The following LYRM4 variants were observed in gnomAD, a reference collection of about 807,000 sequenced individuals.
LYRM4 encodes LYR motif-containing protein 4.
Under a neutral mutation model 11.7 loss-of-function variants are expected in LYRM4, and 9 were observed. That is an observed-to-expected ratio of 0.77 (90% CI 0.46 to 1.34). LYRM4 has a LOEUF of 1.34. LYRM4 is among the 40% of genes most tolerant of loss of function. The pLI is 0.00. For missense variants in LYRM4, 133 were observed against 112.5 expected (o/e 1.18, Z -0.82); for synonymous variants, 42 against 40.4 (o/e 1.04, Z -0.15).
At chr6:5,259,786 CAGGTAGTT>C (rs1764888659) in intron 1 of LYRM4, among the ~76,000 whole-genome samples, 1 of 151,718 alleles carries the variant, frequency 6.6e-6, no homozygotes, top group Non-Finnish European at 1.5e-5. Context: ...CAGAGAGAGA[CAGGTAGTT>C]AGTAAAAACA....
Position 5,109,356 on chromosome 6 carries a change from C to T in LYRM4, c.*67G>A. 3 of 1,606,144 alleles carry T rather than the reference C, an allele frequency of 1.9e-6. No individual in the cohort carries two copies. The highest frequency in any genetic ancestry group is 2.6e-6 in the Non-Finnish European group (3 of 1,173,984). ...ATTGTAAGCTGGTTTTGGGAGCCCCCATCTCAAACAGAGAGTGGATGCTGA... is the reference window on the plus strand; with the variant it reads ...ATTGTAAGCTGGTTTTGGGAGCCCCTATCTCAAACAGAGAGTGGATGCTGA... On this transcript the variant is annotated 3_prime_UTR_variant, in exon 3 of 3. Coordinates refer to ENST00000330636, the MANE Select transcript of LYRM4 (RefSeq NM_020408.6).
At chr6:5,068,285 T>C in the LYRM4 span, among the ~76,000 whole-genome samples, 1 of 152,082 alleles carries the variant, frequency 6.6e-6, no homozygotes, top group Non-Finnish European at 1.5e-5. This position sits in a 1 kb window ranked among gnomAD's most constrained non-coding sequence, Gnocchi z 4.0. Context: ...AGAGCAAAGG[T>C]AAACATGGTG....
downstream of LYRM4, among the ~76,000 whole-genome samples, chr6:5,099,019 A>T (rs1581265535): frequency 6.6e-6 from 1 of 152,004 alleles, no homozygotes; most frequent in Non-Finnish European, 1.5e-5. This position sits in a 1 kb window ranked among gnomAD's most constrained non-coding sequence, Gnocchi z 4.3. Flanking sequence ...TTGGTGGGTG[A>T]CAGCCATTGT....
chr6:5,214,840 T>C (rs1762181225), intron 2 of LYRM4, among the ~76,000 whole-genome samples: 1 of 152,210 alleles, frequency 6.6e-6, no homozygotes, highest in Non-Finnish European at 1.5e-5. Flanking sequence ...ACTGGTTCTC[T>C]GAAGGGATGA....
the LYRM4 span, among the ~76,000 whole-genome samples, chr6:5,035,904 T>TTA: frequency 2.0e-5 from 3 of 148,802 alleles, no homozygotes; most frequent in African/African-American, 7.5e-5. Context: ...TATTTCTAAA[T>TTA]TAACCTACAG....
intron 2 of LYRM4, among the ~76,000 whole-genome samples, chr6:5,121,084 A>G (rs1226103499): frequency 6.6e-6 from 1 of 152,078 alleles, no homozygotes; most frequent in African/African-American, 2.4e-5. Context: ...TTATTTTTTG[A>G]GTATTACCTG....
At chr6:5,053,597 C>T in the LYRM4 span, among the ~76,000 whole-genome samples, 1 of 150,468 alleles carries the variant, frequency 6.6e-6, no homozygotes, top group African/African-American at 2.5e-5. Context: ...CATTGCACTC[C>T]AGCCTGGGTG....
chr6:5,051,875 G>A, the LYRM4 span, among the ~76,000 whole-genome samples: 1 of 152,204 alleles, frequency 6.6e-6, no homozygotes, highest in African/African-American at 2.4e-5. Flanking sequence ...GGTGAGAGAG[G>A]AAGCAAGAGA....
intron 2 of LYRM4, chr6:5,138,755 G>GA (rs1300156122): frequency 2.0e-6 from 3 of 1,526,634 alleles, no homozygotes; most frequent in South Asian, 1.2e-5. Flanking sequence ...GGTAAAAAGA[G>GA]AAAAAAATAA....
chr6:5,144,214 G>A (rs1326669740), intron 2 of LYRM4: 28 of 1,536,834 alleles, frequency 1.8e-5, no homozygotes, highest in Non-Finnish European at 2.3e-5. Flanking sequence ...CCCAGGCTCC[G>A]GCTGCTGTTC....
At chr6:5,238,320 G>A (rs560231182) in intron 1 of LYRM4, among the ~76,000 whole-genome samples, 9 of 152,160 alleles carry the variant, frequency 5.9e-5, no homozygotes, top group Non-Finnish European at 1.2e-4. Flanking sequence ...TGATGGTAAG[G>A]TTCACAGGGC....
At chr6:5,042,513 A>T in the LYRM4 span, 15 of 152,768 alleles carry the variant, frequency 9.8e-5, no homozygotes, top group Admixed American at 3.3e-4. Context: ...TAGGCTACCC[A>T]TGGGGACCTC....
At chr6:5,145,475 C>T (rs931921323) in intron 2 of LYRM4, among the ~76,000 whole-genome samples, 2 of 152,118 alleles carry the variant, frequency 1.3e-5, no homozygotes, top group South Asian at 2.1e-4. Context: ...TTGGTGACTC[C>T]GGAGTCAACG....
At chr6:5,121,142 C>T (rs1171558847) in intron 2 of LYRM4, among the ~76,000 whole-genome samples, 2 of 152,018 alleles carry the variant, frequency 1.3e-5, no homozygotes, top group South Asian at 2.1e-4. Flanking sequence ...CATACTTTTC[C>T]AAAAAACAAG....
the LYRM4 span, among the ~76,000 whole-genome samples, chr6:5,064,748 G>C: frequency 6.6e-6 from 1 of 152,180 alleles, no homozygotes; most frequent in East Asian, 1.9e-4. Context: ...ATATTTATGG[G>C]GTACAGTGTG....
chr6:5,160,788 G>A (rs939750405), intron 2 of LYRM4, among the ~76,000 whole-genome samples: 13 of 152,130 alleles, frequency 8.5e-5, no homozygotes, highest in Non-Finnish European at 1.9e-4. Flanking sequence ...CTCAGTGCAC[G>A]GTTCTGCAGG....
intron 2 of LYRM4, among the ~76,000 whole-genome samples, chr6:5,187,607 G>A (rs979348956): frequency 3.3e-5 from 5 of 152,092 alleles, no homozygotes; most frequent in African/African-American, 9.7e-5. Context: ...CCTGTCGGGG[G>A]GTTGGGGGCT....
chr6:5,052,820 T>G, the LYRM4 span, among the ~76,000 whole-genome samples: 1 of 152,242 alleles, frequency 6.6e-6, no homozygotes, highest in African/African-American at 2.4e-5. Context: ...GAGCCCCTTT[T>G]TCTACCTGCA....
At chr6:5,136,728 C>A in intron 2 of LYRM4, 2 of 985,380 alleles carry the variant, frequency 2.0e-6, no homozygotes, top group Non-Finnish European at 2.4e-6. Context: ...CTAAACCGCC[C>A]CAAGGAGCAG....
Sources: allele counts gnomAD v4.1 joint callset (sites outside exome capture counted in the v4.1 genomes callset), GRCh38; gene constraint gnomAD v4.1.1; non-coding constraint Gnocchi (gnomAD v3.1); transcripts MANE v1.5; gene names NCBI Gene and HGNC (gene_info 2026-07-23, HGNC 2026-07-21).